Variants in ATP8A2 observed in about 807,000 individuals in gnomAD.
ATP8A2 encodes phospholipid-transporting ATPase IB.
A neutral mutation model predicts 165.6 loss-of-function variants in ATP8A2; 100 were observed. That is an observed-to-expected ratio of 0.60 (90% CI 0.51 to 0.71). The LOEUF is 0.71. Among genes scored for constraint, ATP8A2 ranks in the 30% least tolerant of loss-of-function variants. ATP8A2 has a pLI of 0.00. For synonymous variants in ATP8A2, 543 were observed against 548.8 expected (o/e 0.99, Z 0.15); for missense variants, 1,227 against 1,479.5 (o/e 0.83, Z 2.80).
At chr13:25,562,134 C>G (rs2039175215) in intron 15 of ATP8A2, among the ~76,000 whole-genome samples, 1 of 152,074 alleles carries the variant, frequency 6.6e-6, no homozygotes, top group Non-Finnish European at 1.5e-5. Flanking sequence ...GGGGTATATT[C>G]CTAAATATGG....
intron 19 of ATP8A2, among the ~76,000 whole-genome samples, chr13:25,575,953 G>A (rs1018127698): frequency 2.0e-5 from 3 of 152,206 alleles, no homozygotes; most frequent in Non-Finnish European, 1.5e-5. Flanking sequence ...GTATTAAAAT[G>A]TATATATGGG....
chr13:25,387,050 G>A lies in ATP8A2; in HGVS notation c.76+14762G>A, dbSNP rs541750127. Among the ~76,000 whole-genome samples the A allele has an allele frequency of 1.1e-3, 172 of 152,252 alleles. 4 individuals carry two copies. The highest frequency in any genetic ancestry group is 4.0e-3 in the African/African-American group (167 of 41,566). On this transcript the variant is annotated intron_variant, in intron 1 of 36. Transcript: ENST00000381655. ...AACAGGATTCAGTCACTTCTCTCTG[G>A]ACTTTTCTGAAGATAATTTTCCCAC...
At chr13:25,682,798 A>G (rs1222259007) in intron 24 of ATP8A2, among the ~76,000 whole-genome samples, 3 of 152,158 alleles carry the variant, frequency 2.0e-5, no homozygotes, top group Admixed American at 1.3e-4. Context: ...AGGTGGGTAG[A>G]TTACTTTTAG....
chr13:25,813,508 T>G (rs1950933322), intron 27 of ATP8A2, among the ~76,000 whole-genome samples: 1 of 151,236 alleles, frequency 6.6e-6, no homozygotes, highest in Admixed American at 6.6e-5. Flanking sequence ...TATGGTATGA[T>G]ATATGATATG....
At chr13:25,860,023 A>G (rs1270146739) in intron 30 of ATP8A2, among the ~76,000 whole-genome samples, 172 bp from the exon 31 acceptor site, 1 of 152,196 alleles carries the variant, frequency 6.6e-6, no homozygotes, top group Non-Finnish European at 1.5e-5. Flanking sequence ...AGAATATAAG[A>G]TGAAAAAGTT....
chr13:25,921,715 A>G (rs868044179), intron 33 of ATP8A2, among the ~76,000 whole-genome samples: 7 of 152,204 alleles, frequency 4.6e-5, no homozygotes, highest in Middle Eastern at 3.2e-3. Context: ...CTGTCATGAA[A>G]GACTTAGGTC....
chr13:25,907,637 T>C (rs1953983055), intron 33 of ATP8A2, among the ~76,000 whole-genome samples: 1 of 152,206 alleles, frequency 6.6e-6, no homozygotes, highest in South Asian at 2.1e-4. Flanking sequence ...GATGACATTT[T>C]CTGAAGACAA....
At chr13:25,988,265 G>A (rs571600237) in intron 35 of ATP8A2, among the ~76,000 whole-genome samples, 6 of 152,310 alleles carry the variant, frequency 3.9e-5, no homozygotes, top group Admixed American at 6.5e-5. Flanking sequence ...TGGCATCTTC[G>A]CTGTGAGTGC....
In ATP8A2 at chr13:25,983,549, A is replaced by C. The variant is rs149692179; in HGVS notation, c.3377+14870A>C. On this transcript the variant is annotated intron_variant, in intron 35 of 36. Transcript: ENST00000381655. ...CCTGTTGTAGAGAATTATGTTCTAA[A>C]AGTACATTTCCTTTATAGAACCTTG... Among the ~76,000 whole-genome samples, 363 of 152,338 alleles carry C rather than the reference A, an allele frequency of 2.4e-3. 2 individuals carry two copies. The highest frequency in any genetic ancestry group is 7.8e-3 in the African/African-American group (326 of 41,578).
intron 2 of ATP8A2, among the ~76,000 whole-genome samples, chr13:25,522,138 T>G (rs1029820681): frequency 6.6e-6 from 1 of 152,228 alleles, no homozygotes; most frequent in African/African-American, 2.4e-5. Context: ...CCTCTTCAAT[T>G]TATTTCATCA....
intron 24 of ATP8A2, among the ~76,000 whole-genome samples, chr13:25,592,341 T>C (rs920068785): frequency 5.3e-5 from 8 of 151,990 alleles, no homozygotes; most frequent in Admixed American, 2.6e-4. Flanking sequence ...TTTGCACATA[T>C]TATGCACTCA....
At chr13:25,991,911 G>GGT (rs1956404063) in intron 35 of ATP8A2, among the ~76,000 whole-genome samples, 2 of 142,194 alleles carry the variant, frequency 1.4e-5, no homozygotes, top group Middle Eastern at 3.7e-3. Context: ...TTACTTTTAG[G>GGT]TTTTTTTTTT....
intron 20 of ATP8A2, among the ~76,000 whole-genome samples, chr13:25,578,455 G>C (rs1298456109): frequency 1.3e-5 from 2 of 152,124 alleles, no homozygotes; most frequent in African/African-American, 2.4e-5. Context: ...GAGTAATTTG[G>C]GATGTGCATT....
At chr13:25,450,696 T>A (rs1053414467) in intron 1 of ATP8A2, among the ~76,000 whole-genome samples, 2 of 152,024 alleles carry the variant, frequency 1.3e-5, no homozygotes, top group Non-Finnish European at 2.9e-5. Flanking sequence ...CATGCCCGGC[T>A]AATTTTTTGT....
At chr13:25,797,555 C>T (rs573033618) in intron 27 of ATP8A2, among the ~76,000 whole-genome samples, 26 of 152,178 alleles carry the variant, frequency 1.7e-4, no homozygotes, top group African/African-American at 5.3e-4. Flanking sequence ...TTGAAGGAAA[C>T]GATTTCATCT....
intron 24 of ATP8A2, among the ~76,000 whole-genome samples, chr13:25,638,668 T>C (rs2041433854): frequency 6.6e-6 from 1 of 152,098 alleles, no homozygotes; most frequent in Admixed American, 6.5e-5. Context: ...TGGAACCAAG[T>C]TGGAAAACAC....
rs61947356 is a variant in ATP8A2 at position 25,798,932 on chromosome 13, T to G, written c.2679+23973T>G. Among the ~76,000 whole-genome samples, 769 of 151,922 alleles carry G rather than the reference T, an allele frequency of 5.1e-3. 4 individuals carry two copies. The highest frequency in any genetic ancestry group is 0.013 in the South Asian group (64 of 4,784). ...TACTAGGGAGGCTGAGGCAGGAGGA[T>G]TGCTTGAGGCCAGGAGTTTGAGACC... is the stretch of plus-strand genomic sequence containing the variant. On this transcript the variant is annotated intron_variant, in intron 27 of 36. Coordinates refer to ENST00000381655, the MANE Select transcript of ATP8A2 (RefSeq NM_016529.6).
At chr13:25,483,953 C>T (rs1159881000) in intron 2 of ATP8A2, among the ~76,000 whole-genome samples, 2 of 152,212 alleles carry the variant, frequency 1.3e-5, no homozygotes, top group African/African-American at 4.8e-5. Flanking sequence ...GCGTATTACT[C>T]TGCCCAAGAG....
intron 24 of ATP8A2, among the ~76,000 whole-genome samples, chr13:25,694,769 C>T (rs2042800316): frequency 6.6e-6 from 1 of 152,198 alleles, no homozygotes; most frequent in African/African-American, 2.4e-5. Flanking sequence ...TTCCTGGGTT[C>T]AAGCGATCTT....
Sources: gnomAD v4.1 joint callset for allele counts (sites outside exome capture counted in the v4.1 genomes callset) on GRCh38, gnomAD v4.1.1 for gene constraint, MANE v1.5 for transcripts, NCBI Gene and HGNC (gene_info 2026-07-23, HGNC 2026-07-21) for gene names.